ERG: variants seen among roughly 807,000 people sequenced by gnomAD.
ERG encodes the protein transcriptional regulator ERG.
ERG carries 9 observed loss-of-function variants against 55.3 expected under a neutral mutation model. The observed-to-expected ratio is 0.16, with a 90% CI of 0.10 to 0.28. The LOEUF (loss-of-function observed/expected upper bound fraction) is 0.28. ERG is among the 10% of genes least tolerant of loss of function. The pLI is 1.00. For synonymous variants in ERG, 223 were observed against 237.3 expected (o/e 0.94, Z 0.55); for missense variants, 434 against 631.6 (o/e 0.69, Z 3.35).
rs999414372 is a variant in ERG, at chr21:38,649,414, G to T, written c.-150+12244C>A. Among the ~76,000 whole-genome samples the T allele has an allele frequency of 4.6e-5, 7 of 152,294 alleles. No individual in the cohort carries two copies. The East Asian group carries it at 1.4e-3, about 29-fold the overall frequency. ...CTGCGAGCCACATGGCCAGTCAAACGTTCTGGTTACCGGGGATGACACGCT... is the reference window on the plus strand; with the variant it reads ...CTGCGAGCCACATGGCCAGTCAAACTTTCTGGTTACCGGGGATGACACGCT... On this transcript the variant is annotated intron_variant, in intron 1 of 10. Transcript: ENST00000398910.
chr21:38,615,358 T>C (rs2060252329), intron 1 of ERG, among the ~76,000 whole-genome samples: 2 of 152,128 alleles, frequency 1.3e-5, no homozygotes, highest in Admixed American at 6.6e-5. Flanking sequence ...CAAAATGTCA[T>C]GTGAACTGAC....
intron 6 of ERG, among the ~76,000 whole-genome samples, chr21:38,395,885 C>T (rs1265906387): frequency 6.6e-6 from 1 of 152,220 alleles, no homozygotes; most frequent in Non-Finnish European, 1.5e-5. Flanking sequence ...CTTCATCAAA[C>T]TCACTGAGGA....
chr21:38,523,270 CT>C (rs1166413326), intron 2 of ERG, among the ~76,000 whole-genome samples: 1 of 152,136 alleles, frequency 6.6e-6, no homozygotes, highest in African/African-American at 2.4e-5. Context: ...GAGCTTTCGA[CT>C]TTTTTAAATG....
chr21:38,386,949 C>A (rs925033092), intron 9 of ERG, among the ~76,000 whole-genome samples: 1 of 152,022 alleles, frequency 6.6e-6, no homozygotes, highest in Non-Finnish European at 1.5e-5. Flanking sequence ...TGAAAGGGAG[C>A]GGCTGTGGCT....
At chr21:38,378,885 G>A (rs1009679747), downstream of ERG, among the ~76,000 whole-genome samples, 3 of 152,158 alleles carry the variant, frequency 2.0e-5, no homozygotes, top group Admixed American at 6.5e-5. Flanking sequence ...CACCTCTTAC[G>A]CTGCAGAGCT....
chr21:38,408,977 T>C (rs1031151617), intron 3 of ERG, among the ~76,000 whole-genome samples: 1 of 152,220 alleles, frequency 6.6e-6, no homozygotes, highest in Admixed American at 6.5e-5. Flanking sequence ...TTTTCTCTTC[T>C]GTAAAACAAT....
chr21:38,607,305 A>G (rs1319596503), intron 1 of ERG, among the ~76,000 whole-genome samples: 1 of 152,242 alleles, frequency 6.6e-6, no homozygotes, highest in Non-Finnish European at 1.5e-5. Context: ...CAATAAGAAG[A>G]AAATTAAACC....
At chr21:38,503,862 C>T (rs911950315) in intron 2 of ERG, among the ~76,000 whole-genome samples, 1 of 152,132 alleles carries the variant, frequency 6.6e-6, no homozygotes, top group Non-Finnish European at 1.5e-5. Context: ...GGAGGATTTG[C>T]CTGAGAACAT....
chr21:38,636,791 A>G (rs549512680), intron 1 of ERG, among the ~76,000 whole-genome samples: 17 of 152,298 alleles, frequency 1.1e-4, no homozygotes, highest in Non-Finnish European at 2.1e-4. Flanking sequence ...CTCAACCTGG[A>G]TTCCGGGGCC....
intron 2 of ERG, among the ~76,000 whole-genome samples, chr21:38,565,411 T>C (rs1190324505): frequency 1.3e-5 from 2 of 152,222 alleles, no homozygotes; most frequent in Non-Finnish European, 2.9e-5. Context: ...CCTCCCGCAG[T>C]GTGCCAAATA....
At chr21:38,394,323 C>G (rs1207530999) in intron 6 of ERG, among the ~76,000 whole-genome samples, 1 of 152,054 alleles carries the variant, frequency 6.6e-6, no homozygotes, top group Admixed American at 6.5e-5. Flanking sequence ...TACCCCAGAC[C>G]TACTGCATCA....
intron 6 of ERG, among the ~76,000 whole-genome samples, chr21:38,397,728 G>C (rs1988298666): frequency 6.6e-6 from 1 of 152,118 alleles, no homozygotes; most frequent in Admixed American, 6.5e-5. Flanking sequence ...GAAGTGCTGG[G>C]AAGGTGGATG....
At chr21:38,428,180 CA>C (rs60222976) in intron 2 of ERG, among the ~76,000 whole-genome samples, 98 of 144,926 alleles carry the variant, frequency 6.8e-4, no homozygotes, top group African/African-American at 2.3e-3. Flanking sequence ...AACCGTGTCT[CA>C]AAAAAAAAAC....
At chr21:38,556,766 G>C (rs997411502) in intron 2 of ERG, among the ~76,000 whole-genome samples, 9 of 152,102 alleles carry the variant, frequency 5.9e-5, no homozygotes, top group Non-Finnish European at 1.3e-4. Flanking sequence ...AAGAAAGCAG[G>C]GTTCTCTTGC....
At chr21:38,449,721 A>G (rs891607549) in intron 1 of ERG, among the ~76,000 whole-genome samples, 1 of 152,242 alleles carries the variant, frequency 6.6e-6, no homozygotes, top group South Asian at 2.1e-4. Flanking sequence ...CAACCAAAGT[A>G]TTAGAAAATA....
intron 2 of ERG, among the ~76,000 whole-genome samples, chr21:38,556,269 G>C (rs2059857859): frequency 1.3e-5 from 2 of 152,084 alleles, no homozygotes; most frequent in African/African-American, 4.8e-5. Context: ...AAATAGACTG[G>C]AAATATAACG....
chr21:38,534,500 T>C (rs1260477171), intron 2 of ERG, among the ~76,000 whole-genome samples: 1 of 152,136 alleles, frequency 6.6e-6, no homozygotes, highest in African/African-American at 2.4e-5. Context: ...TTCTTTAGTC[T>C]TAGAAAATAA....
At chr21:38,566,500 C>T (rs1431307114) in intron 2 of ERG, among the ~76,000 whole-genome samples, 1 of 152,202 alleles carries the variant, frequency 6.6e-6, no homozygotes, top group Non-Finnish European at 1.5e-5. Flanking sequence ...AAATTATTGA[C>T]TCCGATTCCT....
At chr21:38,472,111 C>T (rs1361801975) in intron 1 of ERG, 1 of 152,066 alleles carries the variant, frequency 6.6e-6, no homozygotes, top group Non-Finnish European at 1.5e-5. Flanking sequence ...GAATGTAAAA[C>T]CCAGGAGGGC....
Sources: gnomAD v4.1 joint callset for allele counts (sites outside exome capture counted in the v4.1 genomes callset) on GRCh38, gnomAD v4.1.1 for gene constraint, MANE v1.5 for transcripts, NCBI Gene and HGNC (gene_info 2026-07-23, HGNC 2026-07-21) for gene names.